The following RBFOX1 variants were observed in gnomAD, a reference collection of about 807,000 sequenced individuals.
The protein encoded by RBFOX1 is RNA binding fox-1 homolog 1, also known as RNA binding protein fox-1 homolog 1.
A neutral mutation model predicts 57.7 loss-of-function variants in RBFOX1; 8 were observed. That is an observed-to-expected ratio of 0.14 (90% CI 0.08 to 0.25). The LOEUF is 0.25. Among genes scored for constraint, RBFOX1 ranks in the 10% least tolerant of loss-of-function variants. The pLI is 1.00. For synonymous variants in RBFOX1, 326 were observed against 222.4 expected (o/e 1.47, Z -4.15); for missense variants, 611 against 548.5 (o/e 1.11, Z -1.14).
chr16:6,019,811 G>T lies in RBFOX1; in HGVS notation c.-308G>T. The T allele has an allele frequency of 6.7e-7, 1 of 1,498,778 alleles. No homozygotes were observed. Among genetic ancestry groups the T allele is most frequent in the Non-Finnish European group, 8.9e-7 (1 of 1,123,774 alleles). The allele number at this position is 1,498,778 out of a possible 1,614,324, so 92.8% of individuals were successfully genotyped here. A position where few individuals can be genotyped will look rare whatever the true frequency, so the allele number is the denominator to read the frequency against. Reference sequence around the variant, plus strand: ...CCTGTCCGGACCCTCGCCGCGCCCAGGCAGGCGCGCCAGGGCGGGGCTGAC... The same window carrying T: ...CCTGTCCGGACCCTCGCCGCGCCCATGCAGGCGCGCCAGGGCGGGGCTGAC... On this transcript the variant is annotated 5_prime_UTR_variant, in exon 1 of 16. It adds an upstream start codon to the 5' untranslated region. Coordinates refer to ENST00000550418, the MANE Select transcript of RBFOX1 (RefSeq NM_018723.4). This position sits in a 1 kb window ranked among gnomAD's most constrained non-coding sequence, Gnocchi z 4.2.
intron 3 of RBFOX1, among the ~76,000 whole-genome samples, chr16:6,928,363 C>G (rs182699922): frequency 6.6e-6 from 1 of 152,208 alleles, no homozygotes; most frequent in Admixed American, 6.5e-5. Context: ...AAAAGAGAAT[C>G]CTGATTTCTG....
intron 2 of RBFOX1, among the ~76,000 whole-genome samples, chr16:5,577,508 T>G (rs1251088600): frequency 6.6e-6 from 1 of 152,222 alleles, no homozygotes; most frequent in Non-Finnish European, 1.5e-5. Flanking sequence ...TACTCATCCT[T>G]ATCCCCAGAA....
chr16:7,098,304 A>T (rs2062038404), intron 4 of RBFOX1, among the ~76,000 whole-genome samples: 1 of 152,118 alleles, frequency 6.6e-6, no homozygotes, highest in Non-Finnish European at 1.5e-5. Flanking sequence ...AGAGTAGCTG[A>T]GATTACAGGT....
chr16:5,462,165 TTTC>T (rs200106614), intron 1 of RBFOX1, among the ~76,000 whole-genome samples: 11,595 of 98,584 alleles, frequency 0.12, 570 homozygotes, highest in Admixed American at 0.14. Flanking sequence ...TCTTTCTTTC[TTTC>T]TTTTTTTTTT....
intron 4 of RBFOX1, among the ~76,000 whole-genome samples, chr16:7,370,111 T>G (rs556698932): frequency 2.0e-5 from 3 of 152,242 alleles, no homozygotes; most frequent in Non-Finnish European, 2.9e-5. Flanking sequence ...AGGGTTTCCC[T>G]GTGTACTGTA....
At chr16:6,861,381 A>C (rs2058964396) in intron 3 of RBFOX1, among the ~76,000 whole-genome samples, 1 of 152,130 alleles carries the variant, frequency 6.6e-6, no homozygotes, top group African/African-American at 2.4e-5. Flanking sequence ...TACAAGACAA[A>C]AGATGGACCA....
At chr16:6,462,912 A>G (rs372741615) in intron 2 of RBFOX1, among the ~76,000 whole-genome samples, 1 of 152,106 alleles carries the variant, frequency 6.6e-6, no homozygotes, top group South Asian at 2.1e-4. Context: ...TTCATTTTCA[A>G]TTAGTTTATC....
At chr16:5,914,790 G>A (rs2058671643) in intron 4 of RBFOX1, among the ~76,000 whole-genome samples, 1 of 152,098 alleles carries the variant, frequency 6.6e-6, no homozygotes, top group Admixed American at 6.6e-5. Flanking sequence ...AGCTACTCAG[G>A]AGGCTGAGGC....
chr16:6,925,490 C>T lies in RBFOX1; in HGVS notation c.-15-126567C>T, dbSNP rs948476460. Among the ~76,000 whole-genome samples the T allele has an allele frequency of 5.5e-5, 8 of 146,110 alleles. No homozygotes were observed. In the South Asian group the frequency reaches 1.7e-3, roughly 32 times the overall value. On this transcript the variant is annotated intron_variant, in intron 3 of 15. Transcript: ENST00000550418. ...TTTATTTATTTATTTATTGTCCTAT[C>T]CACCCTATTCCACTGTGAATGTAAA... is the stretch of plus-strand genomic sequence containing the variant.
chr16:5,777,577 A>G (rs2054188150), intron 3 of RBFOX1, among the ~76,000 whole-genome samples: 1 of 152,176 alleles, frequency 6.6e-6, no homozygotes. Context: ...CTCCTTGTAT[A>G]AATGGTCTTC....
At chr16:5,533,536 T>C (rs773136414) in intron 2 of RBFOX1, among the ~76,000 whole-genome samples, 2 of 152,194 alleles carry the variant, frequency 1.3e-5, no homozygotes, top group Non-Finnish European at 2.9e-5. Flanking sequence ...ATTTAAAGTC[T>C]GAGCAGACTC....
intron 3 of RBFOX1, among the ~76,000 whole-genome samples, chr16:6,811,028 A>C (rs1223418121): frequency 6.6e-6 from 1 of 152,240 alleles, no homozygotes; most frequent in African/African-American, 2.4e-5. Flanking sequence ...GAACACACAC[A>C]GAAAAACTGA....
chr16:6,595,658 A>G (rs1191574790), intron 2 of RBFOX1, among the ~76,000 whole-genome samples: 3 of 152,138 alleles, frequency 2.0e-5, no homozygotes, highest in East Asian at 1.9e-4. Flanking sequence ...TGGGTACCCC[A>G]TTTTACATTC....
intron 13 of RBFOX1, among the ~76,000 whole-genome samples, chr16:7,666,651 A>C (rs2069396731): frequency 1.3e-5 from 2 of 152,204 alleles, no homozygotes; most frequent in Non-Finnish European, 2.9e-5. Context: ...AGTGAGTGCG[A>C]GTGTGTGTCT....
chr16:5,605,995 C>T (rs888051215), intron 3 of RBFOX1, among the ~76,000 whole-genome samples: 5 of 152,132 alleles, frequency 3.3e-5, no homozygotes, highest in Admixed American at 3.3e-4. Flanking sequence ...AGCTTTCCTC[C>T]CTCTTCCCTG....
In RBFOX1 at chr16:5,822,762, G is replaced by T. The variant is rs544342366; in HGVS notation, c.319-44541G>T. ...GGAGTGTGCAAGTTGGAAGGAATTGGAGATGGTTTGTTGTCATGGTTAAGT... is the reference window on the plus strand; with the variant it reads ...GGAGTGTGCAAGTTGGAAGGAATTGTAGATGGTTTGTTGTCATGGTTAAGT... On this transcript the variant is annotated intron_variant, in intron 3 of 19. Transcript: ENST00000641259. Among the ~76,000 whole-genome samples the T allele has an allele frequency of 1.1e-3, 161 of 152,304 alleles. 2 individuals carry two copies. Among genetic ancestry groups the T allele is most frequent in the Admixed American group, 2.5e-3 (39 of 15,302 alleles).
At chr16:7,425,522 A>T (rs1356055151) in intron 4 of RBFOX1, among the ~76,000 whole-genome samples, 2 of 152,196 alleles carry the variant, frequency 1.3e-5, no homozygotes, top group East Asian at 3.8e-4. Flanking sequence ...TTCGACTTTA[A>T]ATATCACCTT....
intron 4 of RBFOX1, among the ~76,000 whole-genome samples, chr16:7,279,816 C>G (rs930474792): frequency 6.6e-6 from 1 of 152,184 alleles, no homozygotes; most frequent in African/African-American, 2.4e-5. Flanking sequence ...AAGGCAACTT[C>G]CAGAAATGGC....
At chr16:6,870,864 G>A (rs1379383961) in intron 3 of RBFOX1, among the ~76,000 whole-genome samples, 2 of 152,086 alleles carry the variant, frequency 1.3e-5, no homozygotes, top group African/African-American at 4.8e-5. Context: ...CTAATAAAAG[G>A]CCCTAACTTT....
Sources: gnomAD v4.1 joint callset for allele counts (sites outside exome capture counted in the v4.1 genomes callset) on GRCh38, gnomAD v4.1.1 for gene constraint, Gnocchi (gnomAD v3.1) non-coding constraint, MANE v1.5 for transcripts, NCBI Gene and HGNC (gene_info 2026-07-23, HGNC 2026-07-21) for gene names.